Variants in EPS15 observed in about 807,000 individuals in gnomAD.
The protein encoded by EPS15 is epidermal growth factor receptor pathway substrate 15.
A neutral mutation model predicts 113.8 loss-of-function variants in EPS15; 72 were observed. The ratio of observed to expected loss-of-function variants is 0.63; its 90% CI spans 0.52 to 0.77. EPS15 has a LOEUF of 0.77. Ranked by LOEUF, EPS15 falls within the 30% of genes least tolerant of loss-of-function variation. The pLI, the probability that EPS15 is intolerant of heterozygous loss-of-function variation, is 0.00. For synonymous variants in EPS15, 344 were observed against 363.4 expected, an observed-to-expected ratio of 0.95 and a Z score of 0.61; for missense variants, 1,048 against 1,045.8, an observed-to-expected ratio of 1.00 and a Z score of -0.03.
At chr1:51,357,843 G>A (rs1161249177) in intron 24 of EPS15, among the ~76,000 whole-genome samples, 2 of 151,006 alleles carry the variant, frequency 1.3e-5, no homozygotes, top group Non-Finnish European at 1.5e-5. Flanking sequence ...GGGTTCAAGC[G>A]ATTCTCTTGC....
chr1:51,374,038 G>C (rs1646725665), intron 21 of EPS15, among the ~76,000 whole-genome samples: 1 of 152,190 alleles, frequency 6.6e-6, no homozygotes, highest in Non-Finnish European at 1.5e-5. Context: ...ATGAAAGAAA[G>C]CAGAGGCTAA....
chr1:51,493,866 C>T (rs879759179), intron 1 of EPS15, among the ~76,000 whole-genome samples: 7 of 152,034 alleles, frequency 4.6e-5, no homozygotes, highest in Non-Finnish European at 1.0e-4. Context: ...CCACCAGCCT[C>T]GGCCTCCCAA....
At chr1:51,455,350 GAGGCTA>G (rs1317625256) in intron 8 of EPS15, among the ~76,000 whole-genome samples, 4 of 152,164 alleles carry the variant, frequency 2.6e-5, no homozygotes, top group African/African-American at 7.2e-5. Flanking sequence ...AGCACTTTGG[GAGGCTA>G]AGGCAGGTGG....
intron 21 of EPS15, among the ~76,000 whole-genome samples, chr1:51,389,022 G>GA: frequency 6.6e-6 from 1 of 152,132 alleles, no homozygotes; most frequent in East Asian, 1.9e-4. Context: ...CCAAAAAAGA[G>GA]AATTTTAGAC....
At chr1:51,509,859 C>T (rs1420875635) in intron 1 of EPS15, among the ~76,000 whole-genome samples, 1 of 152,122 alleles carries the variant, frequency 6.6e-6, no homozygotes, top group African/African-American at 2.4e-5. Context: ...CAGCTATAAC[C>T]AAGGAATGGT....
At chr1:51,404,606 T>C (rs1279714200) in intron 16 of EPS15, among the ~76,000 whole-genome samples, 1 of 152,182 alleles carries the variant, frequency 6.6e-6, no homozygotes. Flanking sequence ...CTCTAATCCG[T>C]TTTCCACATT....
chr1:51,450,970 C>A (rs554741681), intron 8 of EPS15, among the ~76,000 whole-genome samples: 1 of 151,696 alleles, frequency 6.6e-6, no homozygotes, highest in Admixed American at 6.5e-5. Context: ...CATATAATTG[C>A]CAAAACTCAT....
intron 1 of EPS15, among the ~76,000 whole-genome samples, chr1:51,490,944 T>C (rs1644221744): frequency 6.6e-6 from 1 of 152,200 alleles, no homozygotes; most frequent in Non-Finnish European, 1.5e-5. Flanking sequence ...GATGTTACAA[T>C]TAGGGAAAAT....
At chr1:51,428,976 C>T (rs547655584) in intron 12 of EPS15, among the ~76,000 whole-genome samples, 1 of 152,064 alleles carries the variant, frequency 6.6e-6, no homozygotes, top group African/African-American at 2.4e-5. Flanking sequence ...ACTGCATCCT[C>T]GAACTCCTGG....
chr1:51,450,475 C>A (rs574303079), intron 8 of EPS15, among the ~76,000 whole-genome samples: 1 of 151,896 alleles, frequency 6.6e-6, no homozygotes, highest in South Asian at 2.1e-4. Context: ...GAGTTGTAAG[C>A]CACCTATTTG....
At chr1:51,448,266 AAAG>A in intron 8 of EPS15, 131 bp from the exon 9 acceptor site, 1 of 483,424 alleles carries the variant, frequency 2.1e-6, no homozygotes, top group Non-Finnish European at 3.7e-6. Context: ...GCTGGGAGGG[AAAG>A]AAGAGGAAAA....
intron 13 of EPS15, among the ~76,000 whole-genome samples, chr1:51,418,298 A>C (rs1276941742): frequency 6.6e-6 from 1 of 152,128 alleles, no homozygotes; most frequent in African/African-American, 2.4e-5. Context: ...CTGTCTGTCC[A>C]TCTGTCCTTG....
intron 24 of EPS15, among the ~76,000 whole-genome samples, chr1:51,358,709 GTTTTTT>G (rs71063028): frequency 8.2e-6 from 1 of 121,376 alleles, no homozygotes; most frequent in Non-Finnish European, 1.8e-5. Flanking sequence ...GTTTTTTTTT[GTTTTTT>G]TTTTTTTTTT....
In EPS15 at chr1:51,401,901, G is replaced by A. The variant is rs12039926; in HGVS notation, c.1882+534C>T. Among the ~76,000 whole-genome samples, 320 of 152,326 alleles carry A rather than the reference G, an allele frequency of 2.1e-3. 7 individuals carry two copies. In the East Asian group the frequency reaches 0.052, roughly 25 times the overall value. On this transcript the variant is annotated intron_variant, in intron 18 of 24. Coordinates refer to ENST00000371733, the MANE Select transcript of EPS15 (RefSeq NM_001981.3). ...CGCCTGTAATCCCAGCACTTTGGGAGGCCAACGTGGGCGGATCACGAGGTC... is the reference window on the plus strand; with the variant it reads ...CGCCTGTAATCCCAGCACTTTGGGAAGCCAACGTGGGCGGATCACGAGGTC...
intron 11 of EPS15, among the ~76,000 whole-genome samples, chr1:51,441,868 T>C (rs1405934263): frequency 1.3e-5 from 2 of 152,114 alleles, no homozygotes; most frequent in Non-Finnish European, 2.9e-5. Flanking sequence ...CACTTGCATA[T>C]CAAGATCATT....
intron 23 of EPS15, among the ~76,000 whole-genome samples, chr1:51,363,026 AGT>A (rs754253286): frequency 7.9e-5 from 12 of 152,168 alleles, no homozygotes; most frequent in Admixed American, 6.6e-5. Context: ...GGCCAGGTGC[AGT>A]GGCTCACACC....
chr1:51,374,918 T>C lies in EPS15; in HGVS notation c.2120-8889A>G, dbSNP rs573325575. 5.9e-4 allele frequency among the ~76,000 whole-genome samples: 89 copies of C among 151,484 alleles called. 1 individual carries two copies. The highest frequency in any genetic ancestry group is 3.4e-3 in the Middle Eastern group (1 of 290). ...GTTGGCCAGGCTGGTCTCAAACTCC[T>C]GTCTGCCTCGGCCTCCCAAAGTGCT... On this transcript the variant is annotated intron_variant, in intron 21 of 24. Coordinates refer to ENST00000371733, the MANE Select transcript of EPS15 (RefSeq NM_001981.3).
chr1:51,359,626 G>A (rs527336142), intron 24 of EPS15, among the ~76,000 whole-genome samples: 33 of 146,180 alleles, frequency 2.3e-4, no homozygotes, highest in African/African-American at 7.9e-4. Flanking sequence ...AGGTGTGGTG[G>A]GTATGCCTGC....
chr1:51,412,136 T>G (rs1200017034), intron 13 of EPS15, among the ~76,000 whole-genome samples: 2 of 152,052 alleles, frequency 1.3e-5, no homozygotes, highest in Non-Finnish European at 2.9e-5. Flanking sequence ...ATGTTCTCAC[T>G]CATAAGTGGG....
Sources: allele counts gnomAD v4.1 joint callset (sites outside exome capture counted in the v4.1 genomes callset), GRCh38; gene constraint gnomAD v4.1.1; transcripts MANE v1.5; gene names NCBI Gene and HGNC (gene_info 2026-07-23, HGNC 2026-07-21).